DGKZ: variants seen among roughly 807,000 people sequenced by gnomAD.
The protein encoded by DGKZ is DAG kinase zeta.
Under a neutral mutation model 142.5 loss-of-function variants are expected in DGKZ, and 45 were observed. The observed-to-expected ratio is 0.32, with a 90% CI of 0.25 to 0.40. The LOEUF (loss-of-function observed/expected upper bound fraction) is 0.40, where lower values mean the gene tolerates loss of function less well. DGKZ is among the 10% of genes least tolerant of loss of function. The probability of loss-of-function intolerance (pLI) is 1.00; values close to 1 mark genes in which losing one functional copy is unlikely to be tolerated. For synonymous variants in DGKZ, 442 were observed against 527.0 expected, an observed-to-expected ratio of 0.84 and a Z score of 2.21; for missense variants, 755 against 1,306.5, an observed-to-expected ratio of 0.58 and a Z score of 6.51.
At chr11:46,365,754 G>GT in intron 1 of DGKZ, 5 of 985,416 alleles carry the variant, frequency 5.1e-6, no homozygotes, top group Non-Finnish European at 6.0e-6. Flanking sequence ...CCCCCACCAT[G>GT]TTGGTGGCAA....
intron 1 of DGKZ, chr11:46,365,797 T>C (rs1277041039): frequency 1.0e-6 from 1 of 985,292 alleles, no homozygotes; most frequent in Non-Finnish European, 1.2e-6. Flanking sequence ...AGCCCTGCCC[T>C]GGGCCCCACC....
intron 14 of DGKZ, among the ~76,000 whole-genome samples, chr11:46,373,582 C>G (rs1456159025): frequency 6.6e-6 from 1 of 151,558 alleles, no homozygotes; most frequent in Admixed American, 6.6e-5. Flanking sequence ...ACTGCAACCT[C>G]TGCCTCCCGG....
intron 14 of DGKZ, 102 bp from the exon 15 acceptor site, chr11:46,374,055 C>T: frequency 1.5e-6 from 2 of 1,299,324 alleles, no homozygotes; most frequent in South Asian, 1.2e-5. Context: ...CCAGGAAAAG[C>T]CTGTGAACAG....
upstream of DGKZ, among the ~76,000 whole-genome samples, chr11:46,344,744 A>G (rs1292417694): frequency 1.3e-5 from 2 of 152,174 alleles, no homozygotes; most frequent in Non-Finnish European, 2.9e-5. Flanking sequence ...GTGAGCCACC[A>G]TGCCTGGCCT....
At chr11:46,352,453 G>C (rs935332366) in intron 1 of DGKZ, among the ~76,000 whole-genome samples, 1 of 152,220 alleles carries the variant, frequency 6.6e-6, no homozygotes, top group African/African-American at 2.4e-5. Context: ...CCCAGGGCAG[G>C]CTGGGTGGGT....
Position 46,333,480 on chromosome 11 carries a change from T to C in DGKZ, c.205T>C (p.Ser69Pro), listed in dbSNP as rs369730059. ...CCAGCTGCACCTACGAAAGCAGGTGTCTTACAGGTAAGGAGGACGTGGGCA... is the reference window on the plus strand; with the variant it reads ...CCAGCTGCACCTACGAAAGCAGGTGCCTTACAGGTAAGGAGGACGTGGGCA... The change falls in exon 1 of 31, where the codon TCT becomes CCT. Residue 69 changes from serine (S) to proline (P), a missense_variant. Transcript: ENST00000343674. 5 of 1,541,850 alleles carry C rather than the reference T, an allele frequency of 3.2e-6. No individual in the cohort carries two copies. The South Asian group carries it at 6.0e-5, about 18-fold the overall frequency.
At chr11:46,333,408 G>T (rs914771108) in exon 1 of DGKZ, 16 of 1,510,818 alleles carry the variant, frequency 1.1e-5, no homozygotes, top group Non-Finnish European at 1.4e-5. Flanking sequence ...CTGGCCCGAG[G>T]GTTCCCGGGG....
chr11:46,371,926 G>T (rs1943991985), intron 9 of DGKZ, 149 bp from the exon 10 acceptor site: 1 of 1,230,634 alleles, frequency 8.1e-7, no homozygotes, highest in Admixed American at 2.0e-5. Flanking sequence ...TTAGATGCCA[G>T]TTTCTGCTCT....
At chr11:46,365,469 C>T in intron 1 of DGKZ, 1 of 985,402 alleles carries the variant, frequency 1.0e-6, no homozygotes, top group Non-Finnish European at 1.2e-6. Context: ...TTGCTTTTGG[C>T]CCAAGCCTAT....
At chr11:46,350,137 A>G (rs1016249214) in intron 1 of DGKZ, among the ~76,000 whole-genome samples, 10 of 152,214 alleles carry the variant, frequency 6.6e-5, no homozygotes, top group Non-Finnish European at 1.3e-4. Context: ...TGGGGCCTTC[A>G]GAAATGAATA....
At chr11:46,373,439 A>C (rs1179742905) in intron 14 of DGKZ, among the ~76,000 whole-genome samples, 1 of 145,646 alleles carries the variant, frequency 6.9e-6, no homozygotes, top group Non-Finnish European at 1.5e-5. Flanking sequence ...GGCAGGTGCC[A>C]CCACACCTGG....
In DGKZ at chr11:46,372,399, A is replaced by C; in HGVS notation, c.928-29A>C. On this transcript the variant is annotated intron_variant, in intron 10 of 30. Coordinates refer to ENST00000527911, the Ensembl canonical transcript of DGKZ. The surrounding 1 kb of genome is among the most constrained non-coding windows in gnomAD (Gnocchi z 5.9). ...TCCCACTTCGTCCCACCACTGCCTG[A>C]CTGTCTCTTGGCTCCCCATCCCATC... The C allele has an allele frequency of 1.2e-6, 2 of 1,611,854 alleles. No individual in the cohort carries two copies. Among genetic ancestry groups the C allele is most frequent in the Non-Finnish European group, 8.5e-7 (1 of 1,178,222 alleles).
intron 1 of DGKZ, among the ~76,000 whole-genome samples, chr11:46,334,565 T>A (rs181605879): frequency 1.3e-5 from 2 of 152,266 alleles, no homozygotes; most frequent in Admixed American, 6.5e-5. Context: ...CCATCAGGGC[T>A]CCATCACTTG....
chr11:46,379,342 G>C (rs1461869635), intron 29 of DGKZ, 106 bp downstream of exon 29: 2 of 1,578,686 alleles, frequency 1.3e-6, no homozygotes, highest in Non-Finnish European at 1.7e-6. Context: ...GGTCACATCT[G>C]TCATCCCCTG....
chr11:46,364,081 G>A (rs755446526), intron 1 of DGKZ, among the ~76,000 whole-genome samples: 4 of 152,196 alleles, frequency 2.6e-5, no homozygotes, highest in Admixed American at 6.5e-5. Flanking sequence ...GCAGGTGTTC[G>A]TTATTATTCC....
At chr11:46,373,486 GTT>G (rs560356746) in intron 14 of DGKZ, among the ~76,000 whole-genome samples, 27,453 of 129,406 alleles carry the variant, frequency 0.21, 2,960 homozygotes, top group African/African-American at 0.32. Flanking sequence ...TTTTTTTCTT[GTT>G]TTTTTTTTTG....
chr11:46,378,373 C>G (rs1944800937), intron 26 of DGKZ, 84 bp from the exon 27 acceptor site: 1 of 1,546,112 alleles, frequency 6.5e-7, no homozygotes, highest in Non-Finnish European at 8.7e-7. Context: ...GCACACATGC[C>G]TGGCCGGCAC....
Position 46,362,937 on chromosome 11 carries a change from C to T in DGKZ, c.162-4354C>T, listed in dbSNP as rs541533292. On this transcript the variant is annotated intron_variant, in intron 1 of 30. Coordinates refer to ENST00000527911, the Ensembl canonical transcript of DGKZ. ...CCCTGTCCTTGTCAGGCCCCAGAGC[C>T]GGCCAAGGGTTGATGGGGTCCCCTG... Among the ~76,000 whole-genome samples the T allele has an allele frequency of 7.9e-5, 12 of 152,338 alleles. No homozygotes were observed. The South Asian group carries it at 2.3e-3, about 29-fold the overall frequency.
intron 14 of DGKZ, among the ~76,000 whole-genome samples, chr11:46,373,486 G>GTT (rs560356746): frequency 1.5e-5 from 2 of 129,480 alleles, no homozygotes; most frequent in African/African-American, 2.9e-5. Flanking sequence ...TTTTTTTCTT[G>GTT]TTTTTTTTTT....
Sources: gnomAD v4.1 joint callset for allele counts (sites outside exome capture counted in the v4.1 genomes callset) on GRCh38, gnomAD v4.1.1 for gene constraint, Gnocchi (gnomAD v3.1) non-coding constraint, MANE v1.5 for transcripts, NCBI Gene and HGNC (gene_info 2026-07-23, HGNC 2026-07-21) for gene names.